CTDNEP1: variants seen among roughly 807,000 people sequenced by gnomAD.
The protein encoded by CTDNEP1 is CTD nuclear envelope phosphatase 1, also known as C-terminal domain nuclear envelope phosphatase 1.
In CTDNEP1, 3 loss-of-function variants were observed where a neutral mutation model predicts 30.1. The observed-to-expected ratio is 0.10, with a 90% confidence interval of 0.05 to 0.26. The LOEUF (loss-of-function observed/expected upper bound fraction) is 0.26, where lower values mean the gene tolerates loss of function less well. Ranked by LOEUF, CTDNEP1 falls within the 10% of genes least tolerant of loss-of-function variation. CTDNEP1 has a pLI of 1.00. For missense variants in CTDNEP1, 158 were observed against 310.4 expected (o/e 0.51, Z 3.69); for synonymous variants, 123 against 118.8 (o/e 1.04, Z -0.23).
At position 7,246,962 on chromosome 17, in the gene CTDNEP1, G is replaced by C. The variant is rs2071846215; in HGVS notation, c.289-100C>G. 2.1e-6 allele frequency: 3 copies of C among 1,410,968 alleles called. No homozygotes were observed. The highest frequency in any genetic ancestry group is 1.9e-4 in the Middle Eastern group (1 of 5,140). The allele number at this position is 1,410,968 out of a possible 1,614,324, so 87.4% of individuals were successfully genotyped here. A position where few individuals can be genotyped will look rare whatever the true frequency, so the allele number is the denominator to read the frequency against. On this transcript the variant is annotated intron_variant, in intron 3 of 7. Coordinates refer to ENST00000574322, the MANE Select transcript of CTDNEP1 (RefSeq NM_001143775.2). The surrounding 1 kb of genome is among the most constrained non-coding windows in gnomAD (Gnocchi z 4.9). ...GCTTCCCTCCTCCAGGCTGACACTG[G>C]TGCCAGCGGATGGAGACAGATGCTC...
Position 7,244,140 on chromosome 17 carries a change from C to T in CTDNEP1, c.*45G>A. 1 of 1,612,200 alleles carries T rather than the reference C, an allele frequency of 6.2e-7. No homozygotes were observed. On this transcript the variant is annotated 3_prime_UTR_variant, in exon 8 of 8. Coordinates refer to ENST00000574322, the MANE Select transcript of CTDNEP1 (RefSeq NM_001143775.2). Reference sequence around the variant, plus strand: ...TCAGACGGCATCCCAAGGGCTCGCCCTCCCTTTCCCCCCCACCCCAACTCA... The same window carrying T: ...TCAGACGGCATCCCAAGGGCTCGCCTTCCCTTTCCCCCCCACCCCAACTCA...
Position 7,243,866 on chromosome 17 carries a change from G to T in CTDNEP1, c.*319C>A. On this transcript the variant is annotated 3_prime_UTR_variant, in exon 8 of 8. Coordinates refer to ENST00000574322, the MANE Select transcript of CTDNEP1 (RefSeq NM_001143775.2). ...ACTTGGCTTCTCTTTGAGCCTCCTG[G>T]ATCACCGTATGTCTGTCACTCTGGC... The T allele has an allele frequency of 9.8e-7, 1 of 1,017,834 alleles. No individual in the cohort carries two copies. Among genetic ancestry groups the T allele is most frequent in the Non-Finnish European group, 1.2e-6 (1 of 808,472 alleles). 63.1% of individuals were successfully genotyped at this position (1,017,834 alleles called of 1,614,324 possible).
At chr17:7,248,259 CAAAAAAA>C (rs755835552) in intron 1 of CTDNEP1, among the ~76,000 whole-genome samples, 785 of 15,210 alleles carry the variant, frequency 0.052, 7 homozygotes, top group African/African-American at 0.071. Flanking sequence ...GACTCCGTCG[CAAAAAAA>C]AAAAAAAAAA....
intron 7 of CTDNEP1, 29 bp downstream of exon 7, chr17:7,244,522 T>G (rs766983717): frequency 6.4e-7 from 1 of 1,573,800 alleles, no homozygotes; most frequent in Admixed American, 1.7e-5. Flanking sequence ...TCTTGAGATA[T>G]CCAAGTGTCC....
At chr17:7,249,406 G>A (rs1030146676) in intron 1 of CTDNEP1, among the ~76,000 whole-genome samples, 1 of 152,126 alleles carries the variant, frequency 6.6e-6, no homozygotes, top group Non-Finnish European at 1.5e-5. Context: ...GCATATGCTG[G>A]GCATGTAGGG....
rs1313765792 is a variant in CTDNEP1, at chr17:7,246,149, G to A, written c.478-12C>T. ...TCCAAAGTGCAGTGCTGGAAGGCAG[G>A]GGATCATGTAGCAGGCCTCTCTCCA... On this transcript the variant is annotated splice_polypyrimidine_tract_variant and intron_variant, in intron 5 of 7. Coordinates refer to ENST00000574322, the MANE Select transcript of CTDNEP1 (RefSeq NM_001143775.2). The surrounding 1 kb of genome is among the most constrained non-coding windows in gnomAD (Gnocchi z 4.9). 1 of 1,607,860 alleles carries A rather than the reference G, an allele frequency of 6.2e-7. No homozygotes were observed. Among genetic ancestry groups the A allele is most frequent in the Admixed American group, 1.7e-5 (1 of 60,012 alleles).
In CTDNEP1 at chr17:7,243,967, A is replaced by T; in HGVS notation, c.*218T>A. ...GTGTCCCAGTCTGGGGTTTCCATGG[A>T]GTGTGAACACGAAGTTAAGAGTGAG... On this transcript the variant is annotated 3_prime_UTR_variant, in exon 8 of 8. Transcript: ENST00000574322. 7.2e-7 allele frequency: 1 copy of T among 1,382,998 alleles called. No individual in the cohort carries two copies. The highest frequency in any genetic ancestry group is 9.4e-7 in the Non-Finnish European group (1 of 1,066,748). The allele number at this position is 1,382,998 out of a possible 1,614,324, so 85.7% of individuals were successfully genotyped here.
At chr17:7,250,408 T>C (rs1322551221) in intron 1 of CTDNEP1, among the ~76,000 whole-genome samples, 1 of 152,166 alleles carries the variant, frequency 6.6e-6, no homozygotes, top group East Asian at 1.9e-4. Context: ...CCAGAGATGC[T>C]TGGGTCCATC....
chr17:7,244,301 C>A, intron 7 of CTDNEP1, 56 bp from the exon 8 acceptor site: 1 of 1,558,760 alleles, frequency 6.4e-7, no homozygotes, highest in Non-Finnish European at 8.8e-7. Context: ...ACCCTCACAA[C>A]ACTCTTGTAA....
intron 6 of CTDNEP1, among the ~76,000 whole-genome samples, chr17:7,245,601 C>T (rs1159383374): frequency 2.6e-5 from 4 of 151,840 alleles, no homozygotes; most frequent in Non-Finnish European, 5.9e-5. Flanking sequence ...CGGGTTCAAG[C>T]GATTCTCCTG....
rs2071927696 is a variant in CTDNEP1 at position 7,251,606 on chromosome 17, AG to A, written c.-311del. 3.3e-5 allele frequency: 2 copies of A among 59,758 alleles called. No homozygotes were observed. Among genetic ancestry groups the A allele is most frequent in the Admixed American group, 4.9e-4 (2 of 4,090 alleles). 3.7% of individuals were successfully genotyped at this position (59,758 alleles called of 1,614,324 possible). On this transcript the variant is annotated 5_prime_UTR_variant, in exon 1 of 8. Transcript: ENST00000574322. ...TAGGATGGGGTCCTCCGAGACCTGG[AG>A]GGAAGGGGAAGGATAATTGGGGGAG...
intron 6 of CTDNEP1, 80 bp downstream of exon 6, chr17:7,245,946 A>AC: frequency 2.2e-6 from 2 of 891,368 alleles, no homozygotes; most frequent in Non-Finnish European, 3.7e-6. Context: ...GCTCTCAAGG[A>AC]CCAAAGCCCA....
Position 7,244,149 on chromosome 17 carries a change from C to T in CTDNEP1, c.*36G>A. The T allele has an allele frequency of 1.9e-6, 3 of 1,612,920 alleles. No individual in the cohort carries two copies. Among genetic ancestry groups the T allele is most frequent in the Non-Finnish European group, 2.5e-6 (3 of 1,179,402 alleles). ...ATCCCAAGGGCTCGCCCTCCCTTTCCCCCCCACCCCAACTCAGGTGGAGGG... is the reference window on the plus strand; with the variant it reads ...ATCCCAAGGGCTCGCCCTCCCTTTCTCCCCCACCCCAACTCAGGTGGAGGG... On this transcript the variant is annotated 3_prime_UTR_variant, in exon 8 of 8. Transcript: ENST00000574322.
intron 1 of CTDNEP1, among the ~76,000 whole-genome samples, chr17:7,250,883 G>T (rs1005161300): frequency 2.0e-5 from 3 of 152,010 alleles, no homozygotes; most frequent in African/African-American, 7.3e-5. Context: ...GGTGTTCCCC[G>T]CCTCTTGGTT....
chr17:7,244,645 G>A lies in CTDNEP1; in HGVS notation c.590-10C>T. The A allele has an allele frequency of 1.9e-6, 3 of 1,570,510 alleles. No individual in the cohort carries two copies. The highest frequency in any genetic ancestry group is 2.6e-6 in the Non-Finnish European group (3 of 1,160,346). On this transcript the variant is annotated splice_polypyrimidine_tract_variant and intron_variant, in intron 6 of 7. Coordinates refer to ENST00000574322, the MANE Select transcript of CTDNEP1 (RefSeq NM_001143775.2). Reference sequence around the variant, plus strand: ...ATGGGGATGGCATTGTCTAGGGTGGGTGAAAATGCAGATGAGAAGAAACAG... The same window carrying A: ...ATGGGGATGGCATTGTCTAGGGTGGATGAAAATGCAGATGAGAAGAAACAG...
chr17:7,249,478 G>C (rs1198705032), intron 1 of CTDNEP1, among the ~76,000 whole-genome samples: 2 of 152,218 alleles, frequency 1.3e-5, no homozygotes, highest in Admixed American at 1.3e-4. Context: ...AGGGAAGGGA[G>C]GACAAAAGGC....
chr17:7,251,366 C>G lies in CTDNEP1; in HGVS notation c.-70G>C. On this transcript the variant is annotated 5_prime_UTR_variant, in exon 1 of 8. Transcript: ENST00000574322. ...GCTCCGCCAGCCCCCCGGGGGCAGC[C>G]CCCCGCCGCCGGGAGGGGGAACGGG... The G allele has an allele frequency of 9.2e-7, 1 of 1,089,082 alleles. No homozygotes were observed. The highest frequency in any genetic ancestry group is 1.2e-6 in the Non-Finnish European group (1 of 820,748). The allele number at this position is 1,089,082 out of a possible 1,614,324, so 67.5% of individuals were successfully genotyped here.
chr17:7,247,499 C>T (rs1466079781), intron 1 of CTDNEP1, among the ~76,000 whole-genome samples, 156 bp from the exon 2 acceptor site: 4 of 147,122 alleles, frequency 2.7e-5, no homozygotes, highest in African/African-American at 1.0e-4. Context: ...GATGGAGTCT[C>T]GCTCTGTTGC....
chr17:7,249,076 AG>A lies in CTDNEP1; in HGVS notation c.103-1734del, dbSNP rs576048627. Among the ~76,000 whole-genome samples, 34 of 152,294 alleles carry A rather than the reference AG, an allele frequency of 2.2e-4. No homozygotes were observed. In the South Asian group the frequency reaches 6.6e-3, roughly 30 times the overall value. ...GTCTGGAGGAGGCCAGAGTGAAGTCAGGGCCGTTAAGTGAGAGGTGAATAAG... is the reference window on the plus strand; with the variant it reads ...GTCTGGAGGAGGCCAGAGTGAAGTCAGGCCGTTAAGTGAGAGGTGAATAAG... On this transcript the variant is annotated intron_variant, in intron 1 of 7. Coordinates refer to ENST00000574322, the MANE Select transcript of CTDNEP1 (RefSeq NM_001143775.2).
Sources: gnomAD v4.1 joint callset for allele counts (sites outside exome capture counted in the v4.1 genomes callset) on GRCh38, gnomAD v4.1.1 for gene constraint, Gnocchi (gnomAD v3.1) non-coding constraint, MANE v1.5 for transcripts, NCBI Gene and HGNC (gene_info 2026-07-23, HGNC 2026-07-21) for gene names.